CPSF1: variants seen among roughly 807,000 people sequenced by gnomAD.
The protein encoded by CPSF1 is cleavage and polyadenylation specificity factor subunit 1.
Under a neutral mutation model 175.8 loss-of-function variants are expected in CPSF1, and 106 were observed. The observed-to-expected ratio is 0.60, with a 90% CI of 0.52 to 0.71. The LOEUF (loss-of-function observed/expected upper bound fraction) is 0.71, where lower values mean the gene tolerates loss of function less well. Among genes scored for constraint, CPSF1 ranks in the 30% least tolerant of loss-of-function variants. The pLI is 0.00. For missense variants in CPSF1, 1,734 were observed against 2,022.9 expected (o/e 0.86, Z 2.74); for synonymous variants, 1,024 against 858.3 (o/e 1.19, Z -3.37).
chr8:144,394,617 G>T (rs782330005), intron 31 of CPSF1, 27 bp downstream of exon 31: 5 of 1,601,694 alleles, frequency 3.1e-6, no homozygotes, highest in Non-Finnish European at 1.7e-6. Flanking sequence ...TGAGCCGGGG[G>T]ACACACGCCG....
chr8:144,409,270 C>A lies in CPSF1; in HGVS notation c.-15+19G>T. 9.4e-7 allele frequency: 1 copy of A among 1,059,800 alleles called. No homozygotes were observed. The highest frequency in any genetic ancestry group is 1.2e-6 in the Non-Finnish European group (1 of 842,046). The allele number at this position is 1,059,800 out of a possible 1,614,324, so 65.6% of individuals were successfully genotyped here. On this transcript the variant is annotated intron_variant, in intron 1 of 37. Coordinates refer to ENST00000616140, the MANE Select transcript of CPSF1 (RefSeq NM_013291.3). ...CCCGGCCTCGCGCTGCCGCCTCGGC[C>A]GCCCGCCCGGCCGCCCACCTGGCAG...
rs782730247 is a variant in CPSF1 at position 144,393,289 on chromosome 8, G to C, written c.*29C>G. The C allele has an allele frequency of 7.7e-5, 114 of 1,479,188 alleles. No individual in the cohort carries two copies. Among genetic ancestry groups the C allele is most frequent in the Non-Finnish European group, 1.0e-4 (112 of 1,107,990 alleles). The allele number at this position is 1,479,188 out of a possible 1,614,324, so 91.6% of individuals were successfully genotyped here. On this transcript the variant is annotated 3_prime_UTR_variant, in exon 38 of 38. Transcript: ENST00000616140. ...CAAAAAGGGGGTGGGAGGTAGTTCC[G>C]TGTGCTGGTGGTGACGGCATCCACG...
rs1169801634 is a variant in CPSF1 at position 144,397,604 on chromosome 8, G to A, written c.2268C>T (p.Ser756=). ...TTCTTCGGGCCTCCTCCTTGCTGGG[G>A]CTGAAGAGGGAGCCCGAATCCCCAT... ...MLYGDSGSLF[S]PSKEEARRSS... is the part of the protein sequence containing the mutation. Residue 756 remains serine (S), a synonymous_variant, in exon 22 of 38, where the codon AGC becomes AGT. Transcript: ENST00000616140. 1 of 1,536,044 alleles carries A rather than the reference G, an allele frequency of 6.5e-7. No individual in the cohort carries two copies. Among genetic ancestry groups the A allele is most frequent in the African/African-American group, 1.4e-5 (1 of 72,898 alleles).
rs1426312098 is a variant in CPSF1, at chr8:144,400,969, C to T, written c.494G>A (p.Arg165His). The T allele has an allele frequency of 7.5e-6, 12 of 1,609,490 alleles. No homozygotes were observed. Among genetic ancestry groups the T allele is most frequent in the Admixed American group, 1.7e-5 (1 of 59,858 alleles). The change falls in exon 6 of 38, where the codon CGC (arginine) becomes CAC (histidine). Residue 165 changes from arginine (R) to histidine (H), a missense_variant. Physicochemically the swap from Arg to His is conservative, Grantham distance 29 (BLOSUM62 0). Coordinates refer to ENST00000616140, the MANE Select transcript of CPSF1 (RefSeq NM_013291.3). ...YGTRLVVLPF[R>H]RESLAEEHEG... ...GTGCTCCTCAGCCAGGCTCTCCCTGCGGAAGGGCAGGACCACCAGCCGCGT... is the reference window on the plus strand; with the variant it reads ...GTGCTCCTCAGCCAGGCTCTCCCTGTGGAAGGGCAGGACCACCAGCCGCGT...
chr8:144,401,140 A>T, intron 5 of CPSF1, 65 bp from the exon 6 acceptor site: 1 of 1,560,658 alleles, frequency 6.4e-7, no homozygotes, highest in South Asian at 1.1e-5. Flanking sequence ...ACTTGGGGCC[A>T]CAGAACCCAG....
At position 144,397,597 on chromosome 8, in the gene CPSF1, T is replaced by C; in HGVS notation, c.2275A>G (p.Lys759Glu). Reference protein sequence around the residue: ...GDSGSLFSPSKEEARRSSQPP... With the variant: ...GDSGSLFSPSEEEARRSSQPP... ...TGGCTGCTTCTTCGGGCCTCCTCCT[T>C]GCTGGGGCTGAAGAGGGAGCCCGAA... Residue 759 changes from lysine (K) to glutamate (E), a missense_variant, in exon 22 of 38, where the codon AAG becomes GAG. Physicochemically the swap from Lys to Glu is moderately conservative, Grantham distance 56 (BLOSUM62 1). Transcript: ENST00000616140. 11 of 1,538,714 alleles carry C rather than the reference T, an allele frequency of 7.1e-6. No individual in the cohort carries two copies. The highest frequency in any genetic ancestry group is 1.2e-5 in the South Asian group (1 of 80,082).
At chr8:144,395,400 A>T (rs1442531451) in intron 27 of CPSF1, 35 bp downstream of exon 27, 13 of 1,580,420 alleles carry the variant, frequency 8.2e-6, no homozygotes, top group African/African-American at 1.3e-5. Flanking sequence ...GGCCAGGCCC[A>T]GAAGGTCCCT....
At chr8:144,396,246 G>C in intron 26 of CPSF1, 102 bp downstream of exon 26, 2 of 1,226,776 alleles carry the variant, frequency 1.6e-6, no homozygotes, top group Non-Finnish European at 2.3e-6. Context: ...CTCCTTCCTG[G>C]TCCTCAGGGT....
intron 25 of CPSF1, 48 bp downstream of exon 25, chr8:144,396,550 G>A: frequency 6.2e-7 from 1 of 1,608,094 alleles, no homozygotes; most frequent in Non-Finnish European, 8.5e-7. Flanking sequence ...CTGCGGATGA[G>A]GCCGCGTCTC....
In CPSF1 at chr8:144,399,497, G is replaced by T; in HGVS notation, c.1249C>A (p.Pro417Thr). 1.2e-6 allele frequency: 2 copies of T among 1,612,908 alleles called. No individual in the cohort carries two copies. The highest frequency in any genetic ancestry group is 1.7e-6 in the Non-Finnish European group (2 of 1,179,874). The change falls in exon 13 of 38, where the codon CCT becomes ACT. Residue 417 changes from proline to threonine, a missense_variant. Pro to Thr is a conservative substitution (Grantham distance 38). Coordinates refer to ENST00000616140, the MANE Select transcript of CPSF1 (RefSeq NM_013291.3). This position sits in a 1 kb window ranked among gnomAD's most constrained non-coding sequence, Gnocchi z 6.4. Reference sequence around the variant, plus strand: ...TCCACTCGCTTCTTCTTTGAGGGAGGCTCTTCCTGTGAGGCAGGAGGGGCA... The same window carrying T: ...TCCACTCGCTTCTTCTTTGAGGGAGTCTCTTCCTGTGAGGCAGGAGGGGCA... ...AVREAADKEE[P>T]PSKKKRVDAT...
Position 144,397,245 on chromosome 8 carries a change from C to T in CPSF1, c.2554G>A (p.Val852Met). The change falls in exon 23 of 38, where the codon GTG (valine) becomes ATG (methionine). Residue 852 changes from valine to methionine, a missense_variant. This residue lies in a region of CPSF1 where 585 missense variants were observed against 584.7 expected (regional missense o/e 1.00). Coordinates refer to ENST00000616140, the MANE Select transcript of CPSF1 (RefSeq NM_013291.3). ...CTGCTCTGGCGGCTGCCCAGCGCCA[C>T]CAGCAGCACCTCCTTGACGAGGGGC... The part of the protein sequence containing the change: ...ELPLVKEVLL[V>M]ALGSRQSRPY... 5 of 1,549,916 alleles carry T rather than the reference C, an allele frequency of 3.2e-6. No homozygotes were observed. The highest frequency in any genetic ancestry group is 4.4e-6 in the Non-Finnish European group (5 of 1,147,494).
chr8:144,396,959 C>A (rs371462404), intron 23 of CPSF1, 30 bp from the exon 24 acceptor site: 1 of 1,530,320 alleles, frequency 6.5e-7, no homozygotes, highest in Non-Finnish European at 9.0e-7. Context: ...CATGGGGGAA[C>A]GGGCAGGGCC....
rs782034713 is a variant in CPSF1, at chr8:144,394,832, G to A, written c.3415-36C>T. 8 of 1,612,722 alleles carry A rather than the reference G, an allele frequency of 5.0e-6. No homozygotes were observed. The African/African-American group carries it at 5.3e-5, about 11-fold the overall frequency. On this transcript the variant is annotated intron_variant, in intron 30 of 37. Coordinates refer to ENST00000616140, the MANE Select transcript of CPSF1 (RefSeq NM_013291.3). ...TGGGTATGGCTGTGGGATGGCTGTG[G>A]GGATGGCAGAGGGGCTGCCAGTTCC...
In CPSF1 at chr8:144,394,295, G is replaced by C; in HGVS notation, c.3750C>G (p.Ala1250=). ...CCACGCTGTACACCTCCAGGGGCTT[G>C]GCATCCTGGGGGCGGGAAGGGGGCG... ...SKTLSLVSRD[A]KPLEVYSVDF... Residue 1250 remains alanine, a synonymous_variant, in exon 33 of 38, where the codon GCC becomes GCG. Transcript: ENST00000616140. 6.3e-7 allele frequency: 1 copy of C among 1,590,940 alleles called. No individual in the cohort carries two copies. Among genetic ancestry groups the C allele is most frequent in the Non-Finnish European group, 8.6e-7 (1 of 1,166,708 alleles).
At chr8:144,401,844 A>G (rs1162965575) in intron 2 of CPSF1, among the ~76,000 whole-genome samples, 171 bp from the exon 3 acceptor site, 2 of 152,034 alleles carry the variant, frequency 1.3e-5, no homozygotes, top group Non-Finnish European at 2.9e-5. Context: ...AGCCCCCCAC[A>G]GCGACCCCCA....
chr8:144,400,403 G>C lies in CPSF1; in HGVS notation c.777C>G (p.Thr259=). ...CCTGGGTGCAGTCAAAGGGCAGGCT[G>C]GTGAGGGACCAGATGACGGGGTGCA... ...QKVHPVIWSL[T]SLPFDCTQAL... is the part of the protein sequence containing the mutation. Residue 259 remains threonine, a synonymous_variant, in exon 8 of 38, where the codon ACC becomes ACG. Transcript: ENST00000616140. 6.2e-7 allele frequency: 1 copy of C among 1,613,862 alleles called. No individual in the cohort carries two copies. The highest frequency in any genetic ancestry group is 8.5e-7 in the Non-Finnish European group (1 of 1,179,978).
chr8:144,407,960 G>C (rs868967244), intron 2 of CPSF1, among the ~76,000 whole-genome samples: 1 of 152,178 alleles, frequency 6.6e-6, no homozygotes, highest in Non-Finnish European at 1.5e-5. Context: ...GAGGAACTGC[G>C]GCCTCCTGCC....
chr8:144,401,651 CTCCTGTCAT>C lies in CPSF1; in HGVS notation c.158_166del (p.Asn53_Arg55del), dbSNP rs1821216239. The C allele has an allele frequency of 6.2e-7, 1 of 1,610,746 alleles. No homozygotes were observed. ...GGCCGCCCCACCACACTCACCTGTG[CTCCTGTCAT>C]TCTTGGTCAGAGCCTGGAGGGGAGA... On this transcript the variant is annotated inframe_deletion, in exon 3 of 38. Coordinates refer to ENST00000616140, the MANE Select transcript of CPSF1 (RefSeq NM_013291.3).
rs782617212 is a variant in CPSF1 at position 144,396,660 on chromosome 8, C to T, written c.2764G>A (p.Ala922Thr). 5.6e-6 allele frequency: 9 copies of T among 1,613,850 alleles called. No homozygotes were observed. In the South Asian group the frequency reaches 6.6e-5, roughly 12 times the overall value. The change falls in exon 25 of 38, where the codon GCT becomes ACT. Residue 922 changes from alanine to threonine, a missense_variant. Ala to Thr is a moderately conservative substitution (Grantham distance 58). Coordinates refer to ENST00000616140, the MANE Select transcript of CPSF1 (RefSeq NM_013291.3). ...KAEGGGAEEGAGARGRVARFR... is the reference protein window; with the variant it reads ...KAEGGGAEEGTGARGRVARFR... The stretch of plus-strand genomic sequence containing the variant: ...CGCGCCACGCGGCCCCGGGCCCCAG[C>T]CCCCTCCTCTGCGCCGCCACCTTCT...
Sources: allele counts gnomAD v4.1 joint callset (sites outside exome capture counted in the v4.1 genomes callset), GRCh38; gene constraint gnomAD v4.1.1; regional missense constraint gnomAD v4.1.1; non-coding constraint Gnocchi (gnomAD v3.1); transcripts MANE v1.5; gene names NCBI Gene and HGNC (gene_info 2026-07-23, HGNC 2026-07-21).